Variants in ATG10 observed in about 807,000 individuals in gnomAD.
ATG10 encodes autophagy related 10.
ATG10 carries 30 observed loss-of-function variants against 32.1 expected under a neutral mutation model. The observed-to-expected ratio is 0.94, with a 90% CI of 0.70 to 1.27. ATG10 has a LOEUF of 1.27. Among genes scored for constraint, ATG10 ranks in the 50% most tolerant of loss-of-function variants. The pLI, the probability that ATG10 is intolerant of heterozygous loss-of-function variation, is 0.00. For missense variants in ATG10, 233 were observed against 262.3 expected, an observed-to-expected ratio of 0.89 and a Z score of 0.77; for synonymous variants, 87 against 91.5, an observed-to-expected ratio of 0.95 and a Z score of 0.28.
At chr5:82,007,645 G>T (rs970686724) in intron 2 of ATG10, among the ~76,000 whole-genome samples, 1 of 151,956 alleles carries the variant, frequency 6.6e-6, no homozygotes, top group Non-Finnish European at 1.5e-5. Context: ...GTAGAGATGA[G>T]GTCTCACTGT....
chr5:82,165,940 C>T (rs920645430), intron 4 of ATG10, among the ~76,000 whole-genome samples: 1 of 152,066 alleles, frequency 6.6e-6, no homozygotes. Flanking sequence ...TAGTATTCAC[C>T]ATAAGCAGTT....
intron 3 of ATG10, among the ~76,000 whole-genome samples, chr5:82,108,264 A>G (rs1014725421): frequency 9.2e-5 from 14 of 152,000 alleles, no homozygotes; most frequent in Admixed American, 6.6e-4. Context: ...ATCATCGTGG[A>G]TAATAATAAG....
chr5:82,192,441 AC>A (rs1744699950), intron 5 of ATG10, among the ~76,000 whole-genome samples: 1 of 152,116 alleles, frequency 6.6e-6, no homozygotes, highest in Non-Finnish European at 1.5e-5. Context: ...ATATAGCTTG[AC>A]CCAAAGAGAG....
chr5:82,022,629 CTTTTTTTT>C (rs34410757), intron 2 of ATG10, among the ~76,000 whole-genome samples: 1 of 135,220 alleles, frequency 7.4e-6, no homozygotes, highest in Admixed American at 7.4e-5. Context: ...AGCCAGTACT[CTTTTTTTT>C]TTTTTTTTTT....
intron 2 of ATG10, chr5:81,992,025 C>T (rs1483091001): frequency 6.6e-6 from 1 of 152,010 alleles, no homozygotes; most frequent in African/African-American, 2.4e-5. Flanking sequence ...GGGTCTCGCT[C>T]TGTTGTCCAG....
chr5:82,141,954 A>G (rs937052345), intron 3 of ATG10, among the ~76,000 whole-genome samples: 4 of 152,178 alleles, frequency 2.6e-5, no homozygotes, highest in African/African-American at 9.7e-5. Flanking sequence ...ACGTTAGCCT[A>G]TTTTTAAGAA....
chr5:82,126,917 T>G (rs2149835772), intron 3 of ATG10, among the ~76,000 whole-genome samples: 1 of 152,240 alleles, frequency 6.6e-6, no homozygotes, highest in East Asian at 1.9e-4. Context: ...ATCCTGGGCT[T>G]TTTTTGGTTG....
intron 2 of ATG10, among the ~76,000 whole-genome samples, chr5:82,000,360 C>T (rs1031549910): frequency 2.0e-5 from 3 of 152,172 alleles, no homozygotes; most frequent in African/African-American, 4.8e-5. Context: ...CAGCCAACAT[C>T]ATACTAAATA....
chr5:82,140,182 G>A (rs1354827546), intron 3 of ATG10, among the ~76,000 whole-genome samples: 39 of 85,116 alleles, frequency 4.6e-4, no homozygotes, highest in Non-Finnish European at 7.9e-4. Flanking sequence ...CGCCCCGTCC[G>A]GGAGGGAGGT....
intron 5 of ATG10, among the ~76,000 whole-genome samples, chr5:82,215,951 T>G (rs1187992742): frequency 6.9e-6 from 1 of 145,238 alleles, no homozygotes; most frequent in Non-Finnish European, 1.5e-5. Flanking sequence ...AAAAAAAAAA[T>G]CCAATTTGTT....
At chr5:82,229,845 G>A (rs1746282367) in intron 5 of ATG10, among the ~76,000 whole-genome samples, 1 of 152,118 alleles carries the variant, frequency 6.6e-6, no homozygotes, top group Admixed American at 6.6e-5. Context: ...GAGGTAGGGG[G>A]GTCCTGGAAC....
intron 5 of ATG10, among the ~76,000 whole-genome samples, chr5:82,194,494 A>G (rs546400296): frequency 2.6e-5 from 4 of 152,288 alleles, no homozygotes; most frequent in South Asian, 2.1e-4. Context: ...CAACAGGTCT[A>G]TATTTTAAGA....
Position 82,012,662 on chromosome 5 carries a change from A to G in ATG10, c.108+24984A>G, listed in dbSNP as rs547035901. Among the ~76,000 whole-genome samples the G allele has an allele frequency of 2.6e-5, 4 of 151,318 alleles. 1 individual carries two copies. The South Asian group carries it at 6.3e-4, about 24-fold the overall frequency. ...CAGCAAGCACTATGTTTTTGTTTTT[A>G]CTGTTTTTTTTTGAGACAGGGTCTC... is the stretch of plus-strand genomic sequence containing the variant. On this transcript the variant is annotated intron_variant, in intron 2 of 7. Transcript: ENST00000282185.
At chr5:82,185,990 A>G (rs562197602) in intron 5 of ATG10, among the ~76,000 whole-genome samples, 38 of 152,300 alleles carry the variant, frequency 2.5e-4, no homozygotes, top group African/African-American at 7.5e-4. Flanking sequence ...CAGTGTTGGT[A>G]TAGGTCTCAG....
chr5:82,035,177 G>C (rs1468214363), intron 2 of ATG10, among the ~76,000 whole-genome samples: 1 of 152,156 alleles, frequency 6.6e-6, no homozygotes, highest in African/African-American at 2.4e-5. Flanking sequence ...CTCCCAAAGC[G>C]CTGGGATTAC....
chr5:82,228,983 G>A (rs994541702), intron 5 of ATG10, among the ~76,000 whole-genome samples: 19 of 152,212 alleles, frequency 1.2e-4, no homozygotes, highest in African/African-American at 4.1e-4. Context: ...GCAGAAAGTC[G>A]ATTTGACTTG....
chr5:81,975,135 G>A (rs1479483694), intron 1 of ATG10, among the ~76,000 whole-genome samples: 1 of 152,018 alleles, frequency 6.6e-6, no homozygotes, highest in Non-Finnish European at 1.5e-5. Flanking sequence ...TTGCTCTGAG[G>A]ATTTGTTACT....
chr5:82,084,072 TA>T (rs1405246574), intron 3 of ATG10, among the ~76,000 whole-genome samples: 1 of 152,088 alleles, frequency 6.6e-6, no homozygotes, highest in Non-Finnish European at 1.5e-5. Flanking sequence ...ACAAAGAAGC[TA>T]AAAACCTGGA....
intron 5 of ATG10, among the ~76,000 whole-genome samples, chr5:82,181,706 A>T (rs1049040081): frequency 1.3e-5 from 2 of 152,146 alleles, no homozygotes; most frequent in African/African-American, 4.8e-5. Flanking sequence ...TTAAAAACAA[A>T]TGCAGCCTTT....
Sources: gnomAD v4.1 joint callset for allele counts (sites outside exome capture counted in the v4.1 genomes callset) on GRCh38, gnomAD v4.1.1 for gene constraint, MANE v1.5 for transcripts, NCBI Gene and HGNC (gene_info 2026-07-23, HGNC 2026-07-21) for gene names.